The following ST6GALNAC3 variants were observed in gnomAD, a reference collection of about 807,000 sequenced individuals.
ST6GALNAC3 encodes alpha-N-acetylgalactosaminide alpha-2,6-sialyltransferase 3.
A neutral mutation model predicts 32.7 loss-of-function variants in ST6GALNAC3; 25 were observed. The observed-to-expected ratio is 0.76, with a 90% CI of 0.56 to 1.07. The LOEUF (loss-of-function observed/expected upper bound fraction) is 1.07. Ranked by LOEUF, ST6GALNAC3 falls within the 50% of genes least tolerant of loss-of-function variation. ST6GALNAC3 has a pLI of 0.00. For synonymous variants in ST6GALNAC3, 129 were observed against 133.1 expected (o/e 0.97, Z 0.21); for missense variants, 355 against 382.4 (o/e 0.93, Z 0.60).
At chr1:76,560,476 A>C (rs1034074185) in intron 3 of ST6GALNAC3, among the ~76,000 whole-genome samples, 1 of 152,232 alleles carries the variant, frequency 6.6e-6, no homozygotes, top group Non-Finnish European at 1.5e-5. Flanking sequence ...GAGCTGAAAC[A>C]ACTCCATAGG....
At chr1:76,536,463 A>G (rs890259587) in intron 3 of ST6GALNAC3, among the ~76,000 whole-genome samples, 3 of 152,110 alleles carry the variant, frequency 2.0e-5, no homozygotes, top group African/African-American at 4.8e-5. Flanking sequence ...AAAGCTCCAT[A>G]TAAAACCATC....
intron 3 of ST6GALNAC3, among the ~76,000 whole-genome samples, chr1:76,532,993 A>G (rs768522974): frequency 1.3e-5 from 2 of 152,152 alleles, no homozygotes; most frequent in Non-Finnish European, 2.9e-5. Context: ...TTTCATATTT[A>G]TCATGAGATC....
rs1647497178 is a variant in ST6GALNAC3, at chr1:76,105,932, A to T, written c.18+31048A>T. ...AGAGACAATTCTTCACATGATGGAG[A>T]AAATAGAATTGTCAGGTAACATGGA... is the stretch of plus-strand genomic sequence containing the variant. On this transcript the variant is annotated intron_variant, in intron 1 of 4. Coordinates refer to ENST00000328299, the MANE Select transcript of ST6GALNAC3 (RefSeq NM_152996.4). Among the ~76,000 whole-genome samples the T allele has an allele frequency of 2.0e-5, 3 of 152,280 alleles. No individual in the cohort carries two copies. In the South Asian group the frequency reaches 6.2e-4, roughly 32 times the overall value.
At chr1:76,539,050 C>T (rs4492668) in intron 3 of ST6GALNAC3, among the ~76,000 whole-genome samples, 123,425 of 152,106 alleles carry the variant, frequency 0.81, 51,878 homozygotes, top group East Asian at 0.99. Flanking sequence ...GAAGACCCTA[C>T]ATAGCCAAGA....
intron 3 of ST6GALNAC3, among the ~76,000 whole-genome samples, chr1:76,500,854 A>C (rs533165402): frequency 1.3e-5 from 2 of 152,322 alleles, no homozygotes; most frequent in African/African-American, 4.8e-5. Context: ...TCAAGTATTC[A>C]AGATATATTC....
At chr1:76,339,835 A>G (rs1647809217) in intron 2 of ST6GALNAC3, among the ~76,000 whole-genome samples, 2 of 152,234 alleles carry the variant, frequency 1.3e-5, no homozygotes, top group Non-Finnish European at 2.9e-5. Flanking sequence ...ATTCAAGTGA[A>G]GCAGGGTAAG....
chr1:76,580,033 A>C (rs1004478870), intron 3 of ST6GALNAC3, among the ~76,000 whole-genome samples: 2 of 151,982 alleles, frequency 1.3e-5, no homozygotes, highest in Non-Finnish European at 2.9e-5. Context: ...TTCTTTGGTG[A>C]CCAGTAGTAC....
chr1:76,462,876 T>A (rs1345928023), intron 3 of ST6GALNAC3, among the ~76,000 whole-genome samples: 1 of 152,196 alleles, frequency 6.6e-6, no homozygotes, highest in Non-Finnish European at 1.5e-5. Flanking sequence ...TAAAAAATTG[T>A]ACATTGTGAC....
intron 1 of ST6GALNAC3, among the ~76,000 whole-genome samples, chr1:76,213,937 T>C (rs987354975): frequency 6.6e-6 from 1 of 152,178 alleles, no homozygotes; most frequent in Non-Finnish European, 1.5e-5. Flanking sequence ...GCTTACCGTA[T>C]ATGACTGTAT....
intron 1 of ST6GALNAC3, among the ~76,000 whole-genome samples, chr1:76,219,482 T>A (rs1655649427): frequency 6.6e-6 from 1 of 152,114 alleles, no homozygotes; most frequent in Non-Finnish European, 1.5e-5. Flanking sequence ...CTCTGCCTGG[T>A]GTTTTATCCT....
chr1:76,341,638 TTTCTTTCTTTC>T (rs1648007210), intron 2 of ST6GALNAC3, among the ~76,000 whole-genome samples: 1 of 138,556 alleles, frequency 7.2e-6, no homozygotes, highest in East Asian at 2.1e-4. Context: ...TCTTTCTTTC[TTTCTTTCTTTC>T]TTTCTTTCTT....
chr1:76,267,918 T>C (rs1353079186), intron 1 of ST6GALNAC3, among the ~76,000 whole-genome samples: 1 of 152,204 alleles, frequency 6.6e-6, no homozygotes, highest in African/African-American at 2.4e-5. Context: ...TTCTGCAGTA[T>C]AGAGAAGAGA....
At chr1:76,497,333 T>G (rs1660916267) in intron 3 of ST6GALNAC3, among the ~76,000 whole-genome samples, 2 of 152,148 alleles carry the variant, frequency 1.3e-5, no homozygotes, top group South Asian at 4.1e-4. Context: ...CCCAATCTAC[T>G]GCTCCACAAA....
chr1:76,420,304 A>C (rs1654944816), intron 3 of ST6GALNAC3, among the ~76,000 whole-genome samples: 1 of 152,118 alleles, frequency 6.6e-6, no homozygotes, highest in African/African-American at 2.4e-5. Flanking sequence ...ACACAAGTCA[A>C]GAATATCTGT....
At chr1:76,169,135 G>C (rs1652313764) in intron 1 of ST6GALNAC3, among the ~76,000 whole-genome samples, 1 of 152,124 alleles carries the variant, frequency 6.6e-6, no homozygotes, top group African/African-American at 2.4e-5. Context: ...GCTGTTGTAA[G>C]GTAGGTCTGG....
At chr1:76,223,313 A>G (rs533890686) in intron 1 of ST6GALNAC3, among the ~76,000 whole-genome samples, 6 of 152,298 alleles carry the variant, frequency 3.9e-5, no homozygotes, top group Admixed American at 2.6e-4. Context: ...CGAATACTGT[A>G]TGTTCTCTCT....
At chr1:76,566,487 C>T (rs1341465593) in intron 3 of ST6GALNAC3, among the ~76,000 whole-genome samples, 1 of 152,156 alleles carries the variant, frequency 6.6e-6, no homozygotes, top group Non-Finnish European at 1.5e-5. Flanking sequence ...AGCATCTTCA[C>T]TGTCCCTCTG....
intron 2 of ST6GALNAC3, among the ~76,000 whole-genome samples, chr1:76,408,676 C>A (rs1019639356): frequency 2.6e-5 from 4 of 152,050 alleles, no homozygotes; most frequent in Non-Finnish European, 4.4e-5. Context: ...CTTGTTACAG[C>A]AAAACTGGCT....
intron 3 of ST6GALNAC3, among the ~76,000 whole-genome samples, chr1:76,445,166 G>A (rs1317121126): frequency 1.3e-5 from 2 of 152,178 alleles, no homozygotes; most frequent in South Asian, 2.1e-4. Context: ...CAACTTGGGA[G>A]TGTCTCTACT....
Sources: gnomAD v4.1 joint callset for allele counts (sites outside exome capture counted in the v4.1 genomes callset) on GRCh38, gnomAD v4.1.1 for gene constraint, MANE v1.5 for transcripts, NCBI Gene and HGNC (gene_info 2026-07-23, HGNC 2026-07-21) for gene names.